The following DAPK1 variants were observed in gnomAD, a reference collection of about 807,000 sequenced individuals.
The protein encoded by DAPK1 is death-associated protein kinase 1.
A neutral mutation model predicts 144.9 loss-of-function variants in DAPK1; 56 were observed. That is an observed-to-expected ratio of 0.39 (90% CI 0.31 to 0.48). The LOEUF (loss-of-function observed/expected upper bound fraction) is 0.48, where lower values mean the gene tolerates loss of function less well. Ranked by LOEUF, DAPK1 falls within the 20% of genes least tolerant of loss-of-function variation. The pLI, the probability that DAPK1 is intolerant of heterozygous loss-of-function variation, is 0.95. For synonymous variants in DAPK1, 690 were observed against 749.0 expected (o/e 0.92, Z 1.29); for missense variants, 1,454 against 1,875.4 (o/e 0.78, Z 4.15).
intron 11 of DAPK1, among the ~76,000 whole-genome samples, chr9:87,644,313 G>A (rs751920218): frequency 6.6e-6 from 1 of 152,032 alleles, no homozygotes; most frequent in Non-Finnish European, 1.5e-5. Context: ...ATCAAACAAC[G>A]GGGCTTTGTT....
intron 2 of DAPK1, among the ~76,000 whole-genome samples, chr9:87,514,066 C>T (rs115659633): frequency 0.015 from 2,227 of 152,180 alleles, 48 homozygotes; most frequent in African/African-American, 0.05. Flanking sequence ...TGTGAGGGGG[C>T]GCAAAATTCC....
Position 87,707,307 on chromosome 9 carries a change from C to T in DAPK1, c.4236C>T (p.Ala1412=). 1 of 1,613,128 alleles carries T rather than the reference C, an allele frequency of 6.2e-7. No individual in the cohort carries two copies. The highest frequency in any genetic ancestry group is 8.5e-7 in the Non-Finnish European group (1 of 1,179,324). ...ATGGCAATGGCCAGGAGGCCTATGC[C>T]TCGAGCTGCAACAGCGGCACCTCTT... ...NLDGNGQEAY[A]SSCNSGTSYN... The change falls in exon 26 of 26, where the codon GCC becomes GCT. Residue 1412 remains alanine, a synonymous_variant. Coordinates refer to ENST00000408954, the MANE Select transcript of DAPK1 (RefSeq NM_004938.4). This position sits in a 1 kb window ranked among gnomAD's most constrained non-coding sequence, Gnocchi z 4.0.
intron 2 of DAPK1, among the ~76,000 whole-genome samples, chr9:87,501,520 G>C (rs1253521169): frequency 2.0e-5 from 3 of 152,016 alleles, no homozygotes; most frequent in Admixed American, 2.0e-4. Flanking sequence ...CCTCCAGCCT[G>C]GGTGATACAG....
At chr9:87,547,941 G>A (rs1351785829) in intron 2 of DAPK1, among the ~76,000 whole-genome samples, 1 of 152,184 alleles carries the variant, frequency 6.6e-6, no homozygotes, top group Non-Finnish European at 1.5e-5. Flanking sequence ...CCAGGGCCCA[G>A]TCAGGTTGAC....
intron 2 of DAPK1, among the ~76,000 whole-genome samples, chr9:87,519,976 A>G (rs1395070072): frequency 2.6e-5 from 4 of 151,770 alleles, no homozygotes; most frequent in Non-Finnish European, 5.9e-5. Flanking sequence ...AGTAGTCTGA[A>G]ATGCTGTGAC....
At chr9:87,682,453 A>G (rs1172717400) in intron 20 of DAPK1, among the ~76,000 whole-genome samples, 1 of 152,174 alleles carries the variant, frequency 6.6e-6, no homozygotes, top group Non-Finnish European at 1.5e-5. Flanking sequence ...CATTCTCTGT[A>G]TATGATGTCA....
intron 3 of DAPK1, among the ~76,000 whole-genome samples, chr9:87,628,700 T>C (rs1328137190): frequency 6.6e-6 from 1 of 152,146 alleles, no homozygotes; most frequent in African/African-American, 2.4e-5. Context: ...CCTCACTCCT[T>C]CACGCTGTAT....
At chr9:87,571,476 A>ACACCCCAACACAC (rs771023885) in intron 2 of DAPK1, among the ~76,000 whole-genome samples, 22 of 48,558 alleles carry the variant, frequency 4.5e-4, no homozygotes, top group Non-Finnish European at 7.1e-4. Flanking sequence ...CACACACACC[A>ACACCCCAACACAC]ACACACACAC....
At chr9:87,572,787 C>T (rs921326370) in intron 2 of DAPK1, among the ~76,000 whole-genome samples, 2 of 152,122 alleles carry the variant, frequency 1.3e-5, no homozygotes, top group African/African-American at 2.4e-5. Context: ...TTGTAATTTA[C>T]CCATTCTCAG....
rs182086411 is a variant in DAPK1, at chr9:87,520,072, A to G, written c.62+20933A>G. Among the ~76,000 whole-genome samples, 5 of 152,302 alleles carry G rather than the reference A, an allele frequency of 3.3e-5. No individual in the cohort carries two copies. The East Asian group carries it at 7.7e-4, about 24-fold the overall frequency. On this transcript the variant is annotated intron_variant, in intron 2 of 25. Coordinates refer to ENST00000408954, the MANE Select transcript of DAPK1 (RefSeq NM_004938.4). ...CCAAAAGGAAGAAGGAAGTCTTAAT[A>G]TAGAATTGACTTCTTCCCAGGTAAG...
At chr9:87,570,809 T>C (rs962649062) in intron 2 of DAPK1, among the ~76,000 whole-genome samples, 1 of 152,214 alleles carries the variant, frequency 6.6e-6, no homozygotes, top group African/African-American at 2.4e-5. Flanking sequence ...GAGAAACCAT[T>C]TGCAAACACA....
At chr9:87,566,166 G>A (rs534488456) in intron 2 of DAPK1, among the ~76,000 whole-genome samples, 8 of 151,934 alleles carry the variant, frequency 5.3e-5, no homozygotes, top group Admixed American at 3.3e-4. Flanking sequence ...GACTACAGTC[G>A]CCCGCCACCA....
At chr9:87,552,331 G>GGAAGGGGTATCTGCAGCTGGAA (rs6151066) in intron 2 of DAPK1, among the ~76,000 whole-genome samples, 2 of 151,912 alleles carry the variant, frequency 1.3e-5, no homozygotes, top group African/African-American at 4.8e-5. Context: ...AAGAGGACAA[G>GGAAGGGGTATCTGCAGCTGGAA]GGAGGGATAT....
In DAPK1 at chr9:87,549,204, TC is replaced by T. The variant is rs1257875338; in HGVS notation, c.62+50067del. ...GAACATGCAGTGTTTGGTTTTCTGT[TC>T]CTGTGTTAGTTTGCTGAGGATAATG... On this transcript the variant is annotated intron_variant, in intron 2 of 25. Transcript: ENST00000408954. Among the ~76,000 whole-genome samples, 3 of 152,260 alleles carry T rather than the reference TC, an allele frequency of 2.0e-5. No homozygotes were observed. The East Asian group carries it at 5.8e-4, about 29-fold the overall frequency.
At chr9:87,576,215 A>AGTGTGTTT (rs1827554309) in intron 2 of DAPK1, among the ~76,000 whole-genome samples, 1 of 152,246 alleles carries the variant, frequency 6.6e-6, no homozygotes, top group Non-Finnish European at 1.5e-5. Context: ...CACACGGGTC[A>AGTGTGTTT]GAGTTAATGA....
intron 2 of DAPK1, among the ~76,000 whole-genome samples, chr9:87,524,801 A>G (rs1243044958): frequency 6.6e-6 from 1 of 152,230 alleles, no homozygotes; most frequent in Non-Finnish European, 1.5e-5. Context: ...GGAAAACTAA[A>G]TATTGTATGT....
At chr9:87,506,433 T>A (rs1192780896) in intron 2 of DAPK1, among the ~76,000 whole-genome samples, 1 of 152,252 alleles carries the variant, frequency 6.6e-6, no homozygotes, top group Non-Finnish European at 1.5e-5. Flanking sequence ...TGGAATGATG[T>A]CAACATGTGG....
At chr9:87,703,866 C>CG (rs1416374382) in intron 25 of DAPK1, among the ~76,000 whole-genome samples, 1 of 152,196 alleles carries the variant, frequency 6.6e-6, no homozygotes, top group Non-Finnish European at 1.5e-5. Context: ...GTCCCAGGAA[C>CG]GGGGGCAGTG....
chr9:87,625,336 G>A (rs564946135), intron 3 of DAPK1, among the ~76,000 whole-genome samples: 1 of 152,346 alleles, frequency 6.6e-6, no homozygotes, highest in Non-Finnish European at 1.5e-5. Context: ...TGGTGTGCTG[G>A]TAAAGCTCTA....
Sources: allele counts gnomAD v4.1 joint callset (sites outside exome capture counted in the v4.1 genomes callset), GRCh38; gene constraint gnomAD v4.1.1; non-coding constraint Gnocchi (gnomAD v3.1); transcripts MANE v1.5; gene names NCBI Gene and HGNC (gene_info 2026-07-23, HGNC 2026-07-21).